The following PRKDC variants were observed in gnomAD, a reference collection of about 807,000 sequenced individuals.
PRKDC encodes the protein protein kinase, DNA-activated, catalytic subunit.
Under a neutral mutation model 486.9 loss-of-function variants are expected in PRKDC, and 82 were observed. The ratio of observed to expected loss-of-function variants is 0.17; its 90% CI spans 0.14 to 0.20. The LOEUF is 0.20. Ranked by LOEUF, PRKDC falls within the 10% of genes least tolerant of loss-of-function variation. PRKDC has a pLI of 1.00. For synonymous variants in PRKDC, 1,895 were observed against 1,837.0 expected, an observed-to-expected ratio of 1.03 and a Z score of -0.81; for missense variants, 4,504 against 5,038.2, an observed-to-expected ratio of 0.89 and a Z score of 3.21.
intron 85 of PRKDC, among the ~76,000 whole-genome samples, chr8:47,776,311 T>C (rs1589687244): frequency 6.6e-6 from 1 of 152,328 alleles, no homozygotes; most frequent in African/African-American, 2.4e-5. Flanking sequence ...ATTGCCACTA[T>C]TACTTAATTC....
At chr8:47,923,958 A>G (rs912548192) in intron 21 of PRKDC, among the ~76,000 whole-genome samples, 1 of 152,220 alleles carries the variant, frequency 6.6e-6, no homozygotes, top group Non-Finnish European at 1.5e-5. Context: ...AGCTAAGTTT[A>G]TAAGAACTTA....
At chr8:47,900,350 C>G in intron 28 of PRKDC, 23 bp downstream of exon 28, 1 of 1,574,276 alleles carries the variant, frequency 6.4e-7, no homozygotes, top group Non-Finnish European at 8.6e-7. Context: ...GTAACGCACA[C>G]AGAACACTGA....
intron 56 of PRKDC, among the ~76,000 whole-genome samples, chr8:47,838,650 TTA>T (rs1236101648): frequency 6.6e-6 from 1 of 152,184 alleles, no homozygotes; most frequent in African/African-American, 2.4e-5. Flanking sequence ...ACCCCTCTTC[TTA>T]TATAATCAGT....
chr8:47,912,297 G>C (rs1406640919), intron 25 of PRKDC, 113 bp downstream of exon 25: 1 of 1,207,944 alleles, frequency 8.3e-7, no homozygotes, highest in Non-Finnish European at 1.1e-6. Flanking sequence ...AGCAGTCAGG[G>C]AGCAGTATCG....
chr8:47,881,974 CCCA>C lies in PRKDC; in HGVS notation c.4897_4899del (p.Trp1633del), dbSNP rs1352880126. On this transcript the variant is annotated inframe_deletion, in exon 37 of 86. Transcript: ENST00000314191. ...TTAGTTTCGAGAGGGGAATCTTTGG[CCCA>C]CCATGAATCACACTTCTTCCAGTGT... 1.2e-6 allele frequency: 2 copies of C among 1,613,838 alleles called. No homozygotes were observed. The highest frequency in any genetic ancestry group is 3.3e-5 in the Admixed American group (2 of 59,990).
chr8:47,939,384 T>C (rs1249685057), intron 11 of PRKDC, among the ~76,000 whole-genome samples, 167 bp downstream of exon 11: 1 of 152,216 alleles, frequency 6.6e-6, no homozygotes, highest in Non-Finnish European at 1.5e-5. Flanking sequence ...ATCCGTATGG[T>C]AGAAAAACAT....
At position 47,893,340 on chromosome 8, in the gene PRKDC, C is replaced by T; in HGVS notation, c.3646G>A (p.Gly1216Ser). 1.3e-6 allele frequency: 2 copies of T among 1,570,396 alleles called. No homozygotes were observed. The highest frequency in any genetic ancestry group is 2.7e-5 in the African/African-American group (2 of 73,970). ...LWLKDVLKEE[G>S]VSFLINTFEG... is the part of the protein sequence containing the mutation. Reference sequence around the variant, plus strand: ...AAGGTGTTGATGAGAAAAGAGACACCTTCTTCCTTGAGAACATCTTTCAGC... The same window carrying T: ...AAGGTGTTGATGAGAAAAGAGACACTTTCTTCCTTGAGAACATCTTTCAGC... The change falls in exon 31 of 86, where the codon GGT becomes AGT. Residue 1216 changes from glycine to serine, a missense_variant. This residue lies in a region of PRKDC where 1,969 missense variants were observed against 2,068.9 expected (regional missense o/e 0.95). Transcript: ENST00000314191.
chr8:47,928,876 G>A (rs1415436939), intron 19 of PRKDC, among the ~76,000 whole-genome samples: 1 of 151,996 alleles, frequency 6.6e-6, no homozygotes, highest in Non-Finnish European at 1.5e-5. Context: ...ATTTTTAGTA[G>A]AGACACGGTT....
chr8:47,795,130 C>A (rs551757851), intron 73 of PRKDC, among the ~76,000 whole-genome samples: 3 of 151,754 alleles, frequency 2.0e-5, no homozygotes, highest in African/African-American at 7.3e-5. Flanking sequence ...TCGTGACCTG[C>A]CCACATCGGC....
chr8:47,956,239 G>A (rs1010470503), intron 3 of PRKDC, among the ~76,000 whole-genome samples: 1 of 152,184 alleles, frequency 6.6e-6, no homozygotes, highest in African/African-American at 2.4e-5. Flanking sequence ...GTGCACGCCT[G>A]TAATCCCAGC....
At chr8:47,953,286 G>A (rs566073945) in intron 7 of PRKDC, among the ~76,000 whole-genome samples, 126 of 152,254 alleles carry the variant, frequency 8.3e-4, no homozygotes, top group African/African-American at 3.0e-3. Context: ...CAGCCTGAGC[G>A]ACAGAGCAAG....
At chr8:47,837,932 T>C (rs2088063481) in intron 56 of PRKDC, among the ~76,000 whole-genome samples, 1 of 152,050 alleles carries the variant, frequency 6.6e-6, no homozygotes, top group African/African-American at 2.4e-5. Context: ...CTTCAGGAGT[T>C]CAAGACCAGC....
intron 50 of PRKDC, among the ~76,000 whole-genome samples, 193 bp from the exon 51 acceptor site, chr8:47,854,407 C>T (rs1024782625): frequency 4.6e-5 from 7 of 152,124 alleles, no homozygotes; most frequent in Admixed American, 1.3e-4. Flanking sequence ...GGCATGATCT[C>T]GGCTTGCTGC....
chr8:47,939,317 T>C (rs1284777393), intron 11 of PRKDC, among the ~76,000 whole-genome samples: 1 of 152,200 alleles, frequency 6.6e-6, no homozygotes, highest in Non-Finnish European at 1.5e-5. Context: ...GGAAGCCTCA[T>C]ATACAAAAGG....
At chr8:47,934,836 T>C (rs2090321026) in intron 14 of PRKDC, among the ~76,000 whole-genome samples, 173 bp downstream of exon 14, 1 of 152,240 alleles carries the variant, frequency 6.6e-6, no homozygotes, top group Non-Finnish European at 1.5e-5. Flanking sequence ...AGAAGTGTAT[T>C]CACCTAACAA....
chr8:47,912,574 CAGG>C lies in PRKDC; in HGVS notation c.2782-15_2782-13del. On this transcript the variant is annotated splice_polypyrimidine_tract_variant and intron_variant, in intron 24 of 85. Coordinates refer to ENST00000314191, the MANE Select transcript of PRKDC (RefSeq NM_006904.7). ...TCACAGGCTGCAACCTAAAACAGAC[CAGG>C]AGGTCAGCAATGTTTAAGTTATCAC... The C allele has an allele frequency of 6.3e-7, 1 of 1,578,266 alleles. No homozygotes were observed. The highest frequency in any genetic ancestry group is 2.3e-5 in the East Asian group (1 of 43,054).
rs752739126 is a variant in PRKDC at position 47,789,242 on chromosome 8, T to C, written c.10671-4A>G. On this transcript the variant is annotated splice_region_variant and splice_polypyrimidine_tract_variant and intron_variant, in intron 74 of 85. Transcript: ENST00000314191. ...TTGATCCAACTTACTTTTAATCCTATTTAAAAAAATTTACAAAGTTTAGGC... is the reference window on the plus strand; with the variant it reads ...TTGATCCAACTTACTTTTAATCCTACTTAAAAAAATTTACAAAGTTTAGGC... 6.5e-7 allele frequency: 1 copy of C among 1,542,234 alleles called. No individual in the cohort carries two copies. Among genetic ancestry groups the C allele is most frequent in the South Asian group, 1.3e-5 (1 of 76,234 alleles).
intron 73 of PRKDC, among the ~76,000 whole-genome samples, chr8:47,796,766 AT>A (rs1236109475): frequency 1.4e-5 from 2 of 147,020 alleles, no homozygotes; most frequent in Non-Finnish European, 3.0e-5. Flanking sequence ...CGCCCGGCTA[AT>A]TTTTGTTTCT....
In PRKDC at chr8:47,791,202, C is replaced by T. The variant is rs775793737; in HGVS notation, c.10671-1964G>A. ...AATTAATAAGCAAAATATGGCCGGG[C>T]GCAGTGGCTCATGTCTGTAATCCCA... On this transcript the variant is annotated intron_variant, in intron 74 of 85. Coordinates refer to ENST00000314191, the MANE Select transcript of PRKDC (RefSeq NM_006904.7). 7.9e-5 allele frequency among the ~76,000 whole-genome samples: 12 copies of T among 152,078 alleles called. No individual in the cohort carries two copies. In the East Asian group the frequency reaches 9.6e-4, roughly 12 times the overall value.
Sources: allele counts gnomAD v4.1 joint callset (sites outside exome capture counted in the v4.1 genomes callset), GRCh38; gene constraint gnomAD v4.1.1; regional missense constraint gnomAD v4.1.1; transcripts MANE v1.5; gene names NCBI Gene and HGNC (gene_info 2026-07-23, HGNC 2026-07-21).